DTNB: variants seen among roughly 807,000 people sequenced by gnomAD.
DTNB encodes the protein dystrobrevin beta.
Under a neutral mutation model 90.7 loss-of-function variants are expected in DTNB, and 63 were observed. The observed-to-expected ratio is 0.69, with a 90% CI of 0.57 to 0.86. DTNB has a LOEUF of 0.86. DTNB is among the 40% of genes least tolerant of loss of function. DTNB has a pLI of 0.00. For missense variants in DTNB, 744 were observed against 807.1 expected (o/e 0.92, Z 0.95); for synonymous variants, 277 against 286.7 (o/e 0.97, Z 0.34).
intron 10 of DTNB, among the ~76,000 whole-genome samples, chr2:25,473,672 T>A (rs1369200025): frequency 6.6e-6 from 1 of 152,206 alleles, no homozygotes; most frequent in Non-Finnish European, 1.5e-5. Context: ...GCTGGAAGAA[T>A]CTGGATGACA....
intron 8 of DTNB, among the ~76,000 whole-genome samples, chr2:25,533,218 C>T (rs2078604394): frequency 6.6e-6 from 1 of 151,986 alleles, no homozygotes; most frequent in African/African-American, 2.4e-5. Context: ...CCCAGTGACT[C>T]GGGAAGCTGA....
chr2:25,429,264 C>T (rs756976653), intron 14 of DTNB, among the ~76,000 whole-genome samples: 17 of 152,082 alleles, frequency 1.1e-4, no homozygotes, highest in African/African-American at 3.4e-4. Context: ...AAATTAATGA[C>T]GCCTATTACT....
chr2:25,665,360 C>T (rs1474257084), intron 1 of DTNB, among the ~76,000 whole-genome samples: 1 of 152,216 alleles, frequency 6.6e-6, no homozygotes, highest in African/African-American at 2.4e-5. Context: ...GGCGCGGTGG[C>T]TCATGCCTGT....
chr2:25,488,120 T>C (rs2066568861), intron 9 of DTNB, among the ~76,000 whole-genome samples: 1 of 152,074 alleles, frequency 6.6e-6, no homozygotes, highest in African/African-American at 2.4e-5. Context: ...CCACATAATA[T>C]ATAAATATAT....
At chr2:25,509,856 T>G (rs1296972578) in intron 9 of DTNB, among the ~76,000 whole-genome samples, 1 of 151,078 alleles carries the variant, frequency 6.6e-6, no homozygotes, top group Non-Finnish European at 1.5e-5. Flanking sequence ...GTTCAAGTGA[T>G]TCTTGTGCTT....
chr2:25,651,420 A>G (rs1286890515), intron 2 of DTNB, among the ~76,000 whole-genome samples: 2 of 152,264 alleles, frequency 1.3e-5, no homozygotes, highest in African/African-American at 2.4e-5. Context: ...ACTCATGTAC[A>G]TAGTAAAACT....
At chr2:25,653,732 G>C (rs940334372) in intron 1 of DTNB, among the ~76,000 whole-genome samples, 1 of 151,718 alleles carries the variant, frequency 6.6e-6, no homozygotes, top group African/African-American at 2.4e-5. Flanking sequence ...GGCTGGTCTC[G>C]AACTCCCAGT....
At chr2:25,584,132 G>A (rs1400248902) in intron 6 of DTNB, among the ~76,000 whole-genome samples, 4 of 152,180 alleles carry the variant, frequency 2.6e-5, no homozygotes, top group Non-Finnish European at 5.9e-5. Flanking sequence ...ACATTTTCAT[G>A]GAGTTTCACG....
At chr2:25,533,608 T>C (rs1015447104) in intron 8 of DTNB, among the ~76,000 whole-genome samples, 1 of 152,230 alleles carries the variant, frequency 6.6e-6, no homozygotes, top group Admixed American at 6.5e-5. Flanking sequence ...ATACAAAAGC[T>C]TTCACACCTG....
chr2:25,531,060 C>CA (rs1384696161), intron 9 of DTNB, among the ~76,000 whole-genome samples: 1 of 152,086 alleles, frequency 6.6e-6, no homozygotes, highest in Non-Finnish European at 1.5e-5. Context: ...TCCCTCAATA[C>CA]AAAAAACAGC....
chr2:25,471,561 A>G (rs1306141734), intron 10 of DTNB, among the ~76,000 whole-genome samples: 3 of 151,966 alleles, frequency 2.0e-5, no homozygotes. Flanking sequence ...AAGCCCGGCT[A>G]ATTTTTGTAT....
At chr2:25,391,457 T>G (rs139705844) in intron 16 of DTNB, among the ~76,000 whole-genome samples, 3,087 of 152,242 alleles carry the variant, frequency 0.02, 104 homozygotes, top group African/African-American at 0.069. Flanking sequence ...TGAATAGACA[T>G]TCCTCCAAAG....
chr2:25,605,795 A>T (rs1421451003), intron 5 of DTNB, among the ~76,000 whole-genome samples: 2 of 152,192 alleles, frequency 1.3e-5, no homozygotes, highest in Non-Finnish European at 2.9e-5. Context: ...TGTTTGATGA[A>T]ATATACTTTC....
intron 14 of DTNB, among the ~76,000 whole-genome samples, chr2:25,430,973 C>G (rs2053667177): frequency 6.6e-6 from 1 of 152,164 alleles, no homozygotes; most frequent in Admixed American, 6.6e-5. Context: ...AGTTGTCTAC[C>G]TTGTTTTATT....
chr2:25,555,415 C>CA (rs1440307919), intron 8 of DTNB, among the ~76,000 whole-genome samples: 2 of 150,500 alleles, frequency 1.3e-5, no homozygotes, highest in Non-Finnish European at 2.9e-5. Context: ...CTTGCTAGTT[C>CA]AAAAAAGGAT....
intron 1 of DTNB, among the ~76,000 whole-genome samples, chr2:25,653,508 TTTCTTTC>T (rs577400587): frequency 0.085 from 10,143 of 120,034 alleles, 789 homozygotes; most frequent in East Asian, 0.39. Flanking sequence ...TCTTTCTTTC[TTTCTTTC>T]TTTTTTTTTT....
intron 16 of DTNB, among the ~76,000 whole-genome samples, chr2:25,393,100 T>G (rs945017389): frequency 6.6e-6 from 1 of 152,164 alleles, no homozygotes; most frequent in Admixed American, 6.5e-5. Context: ...TCAATAAATG[T>G]GATATACCAC....
chr2:25,385,893 A>G (rs561063033), intron 18 of DTNB: 1 of 452,672 alleles, frequency 2.2e-6, no homozygotes, highest in African/African-American at 2.1e-5. Context: ...TATTTTGCAT[A>G]AACTCTAATA....
intron 9 of DTNB, among the ~76,000 whole-genome samples, chr2:25,512,835 GC>G (rs1385541242): frequency 6.6e-6 from 1 of 152,212 alleles, no homozygotes; most frequent in African/African-American, 2.4e-5. Flanking sequence ...TAGGAAGGCA[GC>G]AGGTCTGGCA....
Sources: allele counts gnomAD v4.1 joint callset (sites outside exome capture counted in the v4.1 genomes callset), GRCh38; gene constraint gnomAD v4.1.1; transcripts MANE v1.5; gene names NCBI Gene and HGNC (gene_info 2026-07-23, HGNC 2026-07-21).